Variants in NAV1 observed in about 807,000 individuals in gnomAD.
NAV1 encodes neuron navigator 1.
In NAV1, 18 loss-of-function variants were observed where a neutral mutation model predicts 175.2. The observed-to-expected ratio is 0.10, with a 90% CI of 0.07 to 0.15. The LOEUF (loss-of-function observed/expected upper bound fraction) is 0.15. NAV1 is among the 10% of genes least tolerant of loss of function. The probability of loss-of-function intolerance (pLI) is 1.00; values close to 1 mark genes in which losing one functional copy is unlikely to be tolerated. For missense variants in NAV1, 1,731 were observed against 2,436.6 expected, an observed-to-expected ratio of 0.71 and a Z score of 6.10; for synonymous variants, 897 against 978.7, an observed-to-expected ratio of 0.92 and a Z score of 1.56.
At chr1:201,672,656 C>T (rs976905776) in intron 1 of NAV1, among the ~76,000 whole-genome samples, 6 of 152,214 alleles carry the variant, frequency 3.9e-5, no homozygotes, top group Admixed American at 6.5e-5. Flanking sequence ...GAACTCAAGA[C>T]GCCGTGTGTT....
At chr1:201,799,218 TAAAAC>T (rs1206089733) in intron 15 of NAV1, among the ~76,000 whole-genome samples, 1 of 151,626 alleles carries the variant, frequency 6.6e-6, no homozygotes, top group Non-Finnish European at 1.5e-5. Flanking sequence ...AGAAAGCAAA[TAAAAC>T]AAAATATTAA....
chr1:201,773,339 A>G (rs2102680886), intron 3 of NAV1, among the ~76,000 whole-genome samples: 1 of 152,306 alleles, frequency 6.6e-6, no homozygotes, highest in East Asian at 1.9e-4. Context: ...GTAAACCATC[A>G]TGCCCAGCCA....
chr1:201,644,878 G>A (rs1202402356), upstream of NAV1, among the ~76,000 whole-genome samples: 2 of 152,154 alleles, frequency 1.3e-5, no homozygotes, highest in Non-Finnish European at 2.9e-5. Flanking sequence ...GACAGGGGAA[G>A]GGACCAGGCC....
chr1:201,780,684 C>A, intron 4 of NAV1, 125 bp downstream of exon 8: 1 of 1,311,676 alleles, frequency 7.6e-7, no homozygotes, highest in Non-Finnish European at 1.1e-6. Flanking sequence ...AGGCCTTTGG[C>A]CAGGTCATTT....
At position 201,577,873 on chromosome 1, in the gene NAV1, G is replaced by A. The variant is rs113832554; in HGVS notation, c.-143-10666G>A. Among the ~76,000 whole-genome samples, 4 of 152,162 alleles carry A rather than the reference G, an allele frequency of 2.6e-5. No individual in the cohort carries two copies. In the East Asian group the frequency reaches 7.7e-4, roughly 29 times the overall value. On this transcript the variant is annotated intron_variant, in intron 1 of 33. Coordinates refer to the NAV1 transcript ENST00000685211. ...TCCAATGAGAAATCTACTGTCATTTGAACCCTTTCCACCTGTAGATTAAGG... is the reference window on the plus strand; with the variant it reads ...TCCAATGAGAAATCTACTGTCATTTAAACCCTTTCCACCTGTAGATTAAGG...
At chr1:201,726,455 CCAA>C (rs1265177199) in intron 3 of NAV1, among the ~76,000 whole-genome samples, 3 of 151,732 alleles carry the variant, frequency 2.0e-5, no homozygotes, top group Admixed American at 1.3e-4. Context: ...ACCAGCCTGA[CCAA>C]CAACAACATG....
intron 3 of NAV1, among the ~76,000 whole-genome samples, chr1:201,732,592 A>G (rs73088405): frequency 0.015 from 2,226 of 152,326 alleles, 60 homozygotes; most frequent in African/African-American, 0.051. Flanking sequence ...TATAATTTTC[A>G]GTTTGCTACT....
chr1:201,784,314 TGCACG>T (rs915107924), intron 7 of NAV1, among the ~76,000 whole-genome samples: 1 of 152,076 alleles, frequency 6.6e-6, no homozygotes, highest in African/African-American at 2.4e-5. Context: ...CTTGCCACCA[TGCACG>T]GCTAATTTTT....
intron 8 of NAV1, 69 bp from the exon 13 acceptor site, chr1:201,786,360 C>T: frequency 6.7e-7 from 1 of 1,500,696 alleles, no homozygotes; most frequent in Non-Finnish European, 9.1e-7. Context: ...TTCAGACACC[C>T]TCCGCACCAA....
chr1:201,596,959 A>G (rs1021532401), intron 2 of NAV1, among the ~76,000 whole-genome samples: 11 of 151,984 alleles, frequency 7.2e-5, no homozygotes, highest in African/African-American at 2.4e-4. Context: ...CTGAGTAGCT[A>G]AGATCACAGG....
chr1:201,751,603 G>T (rs957654749), intron 3 of NAV1, among the ~76,000 whole-genome samples: 1 of 152,154 alleles, frequency 6.6e-6, no homozygotes, highest in African/African-American at 2.4e-5. Flanking sequence ...AAATTGTCAG[G>T]TATTAATATT....
intron 3 of NAV1, among the ~76,000 whole-genome samples, chr1:201,766,814 T>A (rs1675235755): frequency 6.6e-6 from 1 of 152,002 alleles, no homozygotes; most frequent in South Asian, 2.1e-4. Context: ...GCCACATACT[T>A]TTTTTGTTTT....
At position 201,630,403 on chromosome 1, in the gene NAV1, C is replaced by T. The variant is rs541668300; in HGVS notation, c.4+896C>T. Among the ~76,000 whole-genome samples, 3 of 152,310 alleles carry T rather than the reference C, an allele frequency of 2.0e-5. No homozygotes were observed. In the South Asian group the frequency reaches 6.2e-4, roughly 32 times the overall value. ...TTGTCTCCCAGCTTTGTCTTGGTGC[C>T]CTGCTCCAGCGGGCCAAGCTGGGGC... On this transcript the variant is annotated intron_variant, in intron 2 of 29. Transcript: ENST00000367302.
At chr1:201,563,201 CT>C (rs1377672591) in intron 1 of NAV1, among the ~76,000 whole-genome samples, 2 of 152,168 alleles carry the variant, frequency 1.3e-5, no homozygotes, top group African/African-American at 2.4e-5. Context: ...CTAGCTGCCC[CT>C]GGTCACGCTC....
chr1:201,610,802 G>T (rs903152651), intron 2 of NAV1, among the ~76,000 whole-genome samples: 1 of 152,164 alleles, frequency 6.6e-6, no homozygotes, highest in Non-Finnish European at 1.5e-5. Flanking sequence ...TAAATAACAG[G>T]AAGCTTAACG....
intron 1 of NAV1, among the ~76,000 whole-genome samples, chr1:201,668,377 C>A (rs905786337): frequency 3.3e-5 from 5 of 152,108 alleles, no homozygotes; most frequent in Non-Finnish European, 7.4e-5. Flanking sequence ...ATGTGATGTT[C>A]GTTAATGGGC....
In NAV1 at chr1:201,637,078, T is replaced by C. The variant is rs570374339; in HGVS notation, c.4+7571T>C. Among the ~76,000 whole-genome samples, 10 of 152,260 alleles carry C rather than the reference T, an allele frequency of 6.6e-5. No homozygotes were observed. In the South Asian group the frequency reaches 2.1e-3, roughly 32 times the overall value. On this transcript the variant is annotated intron_variant, in intron 2 of 29. Transcript: ENST00000367302. ...CTATTAAAATTCATTGAAATATGAGTCCATGGCATTCCTCTGTGAGGTTTA... is the reference window on the plus strand; with the variant it reads ...CTATTAAAATTCATTGAAATATGAGCCCATGGCATTCCTCTGTGAGGTTTA...
At chr1:201,544,148 A>G (rs1313571547) in intron 1 of NAV1, among the ~76,000 whole-genome samples, 1 of 152,158 alleles carries the variant, frequency 6.6e-6, no homozygotes, top group Admixed American at 6.5e-5. Context: ...AAAAATGACC[A>G]ATTCCTGGGC....
intron 2 of NAV1, among the ~76,000 whole-genome samples, chr1:201,629,757 G>A (rs991415450): frequency 6.6e-6 from 1 of 152,216 alleles, no homozygotes; most frequent in Non-Finnish European, 1.5e-5. Flanking sequence ...GTCACTGCAT[G>A]TGTGTGTCAT....
Sources: gnomAD v4.1 joint callset for allele counts (sites outside exome capture counted in the v4.1 genomes callset) on GRCh38, gnomAD v4.1.1 for gene constraint, MANE v1.5 for transcripts, NCBI Gene and HGNC (gene_info 2026-07-23, HGNC 2026-07-21) for gene names.